The following KCNG2 variants were observed in gnomAD, a reference collection of about 807,000 sequenced individuals.
KCNG2 encodes potassium voltage-gated channel modifier subfamily G member 2, also known as voltage-gated potassium channel regulatory subunit KCNG2.
In KCNG2, 7 loss-of-function variants were observed where a neutral mutation model predicts 12.3. The ratio of observed to expected loss-of-function variants is 0.57; its 90% confidence interval spans 0.32 to 1.07. The LOEUF is 1.07. Among genes scored for constraint, KCNG2 ranks in the 50% least tolerant of loss-of-function variants. KCNG2 has a pLI of 0.04. For synonymous variants in KCNG2, 414 were observed against 351.4 expected (o/e 1.18, Z -1.99); for missense variants, 703 against 726.0 (o/e 0.97, Z 0.36).
intron 3 of KCNG2, among the ~76,000 whole-genome samples, chr18:79,878,779 C>T (rs1156327339): frequency 6.6e-6 from 1 of 152,208 alleles, no homozygotes; most frequent in African/African-American, 2.4e-5. Flanking sequence ...ATGGACGGTG[C>T]AGGCAGGAAT....
At chr18:79,834,566 G>A (rs2050762273) in intron 1 of KCNG2, among the ~76,000 whole-genome samples, 1 of 152,222 alleles carries the variant, frequency 6.6e-6, no homozygotes. Context: ...GGGAGCCCAC[G>A]CTATTTAATG....
intron 1 of KCNG2, among the ~76,000 whole-genome samples, chr18:79,798,576 GGAC>G (rs1599357744): frequency 6.6e-6 from 1 of 152,188 alleles, no homozygotes; most frequent in African/African-American, 2.4e-5. Flanking sequence ...ACTCCCGCTC[GGAC>G]ACACGGCCGC....
At chr18:79,816,274 C>A (rs946872934) in intron 1 of KCNG2, 1 of 152,290 alleles carries the variant, frequency 6.6e-6, no homozygotes, top group East Asian at 1.9e-4. Flanking sequence ...TCAGAGGTGG[C>A]AGCCGTGGGG....
intron 1 of KCNG2, among the ~76,000 whole-genome samples, chr18:79,824,059 G>C (rs1364420616): frequency 1.3e-5 from 2 of 152,322 alleles, no homozygotes; most frequent in Non-Finnish European, 2.9e-5. Flanking sequence ...CTGGAGTGCA[G>C]TGGCACGATC....
rs2087402633 is a variant in KCNG2 at position 79,800,714 on chromosome 18, G to A, written c.-115+2700G>A. On this transcript the variant is annotated intron_variant, in intron 1 of 3. Coordinates refer to ENST00000316249, the MANE Select transcript of KCNG2 (RefSeq NM_012283.2). This position sits in a 1 kb window ranked among gnomAD's most constrained non-coding sequence, Gnocchi z 4.0. ...GGGCGGCGCTGAGCAGACGGGAGGT[G>A]GGCTGGTGCCTATGGTTGCAGTCGG... 6.6e-6 allele frequency among the ~76,000 whole-genome samples: 1 copy of A among 152,228 alleles called. No homozygotes were observed. Among genetic ancestry groups the A allele is most frequent in the Non-Finnish European group, 1.5e-5 (1 of 68,042 alleles).
At chr18:79,852,261 A>T (rs559801599) in intron 1 of KCNG2, among the ~76,000 whole-genome samples, 65 of 152,350 alleles carry the variant, frequency 4.3e-4, no homozygotes, top group African/African-American at 1.5e-3. Flanking sequence ...CGCCCCGGGG[A>T]AAACGTGGCG....
At chr18:79,815,879 A>T (rs562984299) in intron 1 of KCNG2, among the ~76,000 whole-genome samples, 1 of 152,304 alleles carries the variant, frequency 6.6e-6, no homozygotes, top group Admixed American at 6.5e-5. Context: ...GCACTGCCAC[A>T]GGGGGGTGGC....
intron 2 of KCNG2, among the ~76,000 whole-genome samples, chr18:79,857,916 C>T (rs1163293537): frequency 6.6e-6 from 1 of 152,164 alleles, no homozygotes; most frequent in African/African-American, 2.4e-5. Context: ...CATTAGCAGT[C>T]ACTCCCCATC....
At chr18:79,804,376 G>T (rs2087433213) in intron 1 of KCNG2, among the ~76,000 whole-genome samples, 1 of 152,234 alleles carries the variant, frequency 6.6e-6, no homozygotes. Context: ...TGCTGCACCA[G>T]GCTCCAGGGG....
intron 3 of KCNG2, among the ~76,000 whole-genome samples, chr18:79,897,122 A>C (rs35485886): frequency 9.2e-6 from 1 of 109,022 alleles, no homozygotes; most frequent in Non-Finnish European, 2.1e-5. Flanking sequence ...TATTGTTTTT[A>C]AAAAATTGTT....
chr18:79,820,257 G>A (rs1405787785), intron 1 of KCNG2, among the ~76,000 whole-genome samples: 10 of 152,260 alleles, frequency 6.6e-5, no homozygotes, highest in South Asian at 4.1e-4. Context: ...GGGCTGATGC[G>A]GCTCTGAATG....
intron 3 of KCNG2, among the ~76,000 whole-genome samples, chr18:79,883,011 A>G (rs1416465104): frequency 6.6e-6 from 1 of 152,230 alleles, no homozygotes; most frequent in Non-Finnish European, 1.5e-5. Context: ...GCGAGTGTTC[A>G]GCCGGCTTTA....
intron 3 of KCNG2, among the ~76,000 whole-genome samples, chr18:79,898,140 C>T (rs1981045640): frequency 6.6e-6 from 1 of 152,154 alleles, no homozygotes; most frequent in Admixed American, 6.5e-5. Flanking sequence ...TTGAGAGTGC[C>T]CTTCGGTGTA....
At chr18:79,839,682 A>G (rs1226951759) in intron 1 of KCNG2, among the ~76,000 whole-genome samples, 1 of 152,226 alleles carries the variant, frequency 6.6e-6, no homozygotes, top group Non-Finnish European at 1.5e-5. Flanking sequence ...ACACCAATCT[A>G]TACTGTCTTT....
Position 79,899,685 on chromosome 18 carries a change from A to G in KCNG2, c.1270A>G (p.Ser424Gly). The change falls in exon 4 of 4, where the codon AGC (serine) becomes GGC (glycine). Residue 424 changes from serine to glycine, a missense_variant. Ser to Gly is a moderately conservative substitution (Grantham distance 56). Transcript: ENST00000316249. ...ELKEQQQRAA[S>G]PEPALQEDST... is the part of the protein sequence containing the mutation. Reference sequence around the variant, plus strand: ...CAAGGAGCAGCAGCAGCGCGCGGCCAGCCCCGAGCCGGCCCTGCAGGAGGA... The same window carrying G: ...CAAGGAGCAGCAGCAGCGCGCGGCCGGCCCCGAGCCGGCCCTGCAGGAGGA... The G allele has an allele frequency of 1.2e-6, 2 of 1,607,662 alleles. No individual in the cohort carries two copies. The highest frequency in any genetic ancestry group is 1.7e-6 in the Non-Finnish European group (2 of 1,178,100).
intron 3 of KCNG2, among the ~76,000 whole-genome samples, chr18:79,893,919 A>G (rs973021085): frequency 6.6e-6 from 1 of 151,078 alleles, no homozygotes; most frequent in Non-Finnish European, 1.5e-5. Flanking sequence ...AACGATTAAT[A>G]TAGTTGGGTC....
At position 79,899,759 on chromosome 18, in the gene KCNG2, C is replaced by A; in HGVS notation, c.1344C>A (p.Asp448Glu). The A allele has an allele frequency of 1.3e-6, 2 of 1,540,270 alleles. No homozygotes were observed. Among genetic ancestry groups the A allele is most frequent in the Non-Finnish European group, 1.7e-6 (2 of 1,151,458 alleles). The change falls in exon 4 of 4, where the codon GAC becomes GAA. Residue 448 changes from aspartate to glutamate, a missense_variant. Asp to Glu is a conservative substitution (Grantham distance 45, BLOSUM62 2). Coordinates refer to ENST00000316249, the MANE Select transcript of KCNG2 (RefSeq NM_012283.2). Reference protein sequence around the residue: ...TATEDSSQGPDSAGLADDSAD... With the variant: ...TATEDSSQGPESAGLADDSAD... ...CCGAGGACAGCTCGCAGGGCCCCGA[C>A]AGCGCGGGCCTGGCCGACGACTCCG... is the stretch of plus-strand genomic sequence containing the variant.
chr18:79,811,033 G>A (rs947333155), intron 1 of KCNG2, among the ~76,000 whole-genome samples: 1 of 152,206 alleles, frequency 6.6e-6, no homozygotes, highest in African/African-American at 2.4e-5. Context: ...CCAAAGAGGT[G>A]TAAGACTTGT....
chr18:79,830,891 C>T (rs1299146028), intron 1 of KCNG2, among the ~76,000 whole-genome samples: 4 of 119,598 alleles, frequency 3.3e-5, no homozygotes, highest in Non-Finnish European at 1.8e-5. Flanking sequence ...ACAGAGCCTT[C>T]GTCAGGAGGG....
Sources: allele counts gnomAD v4.1 joint callset (sites outside exome capture counted in the v4.1 genomes callset), GRCh38; gene constraint gnomAD v4.1.1; non-coding constraint Gnocchi (gnomAD v3.1); transcripts MANE v1.5; gene names NCBI Gene and HGNC (gene_info 2026-07-23, HGNC 2026-07-21).